SYNE1: variants seen among roughly 807,000 people sequenced by gnomAD.
SYNE1 encodes the protein nesprin-1.
Under a neutral mutation model 1,111.0 loss-of-function variants are expected in SYNE1, and 616 were observed. The ratio of observed to expected loss-of-function variants is 0.55; its 90% CI spans 0.52 to 0.59. The LOEUF (loss-of-function observed/expected upper bound fraction) is 0.59. Among genes scored for constraint, SYNE1 ranks in the 20% least tolerant of loss-of-function variants. The pLI is 0.00. For missense variants in SYNE1, 10,006 were observed against 10,417.0 expected (o/e 0.96, Z 1.72); for synonymous variants, 3,855 against 3,825.8 (o/e 1.01, Z -0.28).
chr6:152,356,561 T>C (rs1416144259), intron 66 of SYNE1, among the ~76,000 whole-genome samples: 1 of 149,214 alleles, frequency 6.7e-6, no homozygotes, highest in Non-Finnish European at 1.5e-5. Context: ...ATATATAAAC[T>C]ATATATATGT....
intron 3 of SYNE1, among the ~76,000 whole-genome samples, chr6:152,605,011 AGAGAG>A (rs1565140239): frequency 4.0e-4 from 17 of 42,968 alleles, no homozygotes; most frequent in African/African-American, 5.1e-4. Context: ...AAAGAAAGAG[AGAGAG>A]AGAGAGAGAG....
chr6:152,183,119 T>TA (rs1048460227), intron 128 of SYNE1, among the ~76,000 whole-genome samples: 2 of 152,162 alleles, frequency 1.3e-5, no homozygotes, highest in Non-Finnish European at 2.9e-5. Context: ...CAGGACCCCT[T>TA]ACCCCTCTAG....
intron 3 of SYNE1, among the ~76,000 whole-genome samples, chr6:152,555,146 C>G (rs2099360604): frequency 1.3e-5 from 2 of 152,052 alleles, no homozygotes; most frequent in Non-Finnish European, 2.9e-5. Context: ...TTAAAATAAA[C>G]TCATATTTTT....
chr6:152,549,643 G>A (rs906508209), intron 3 of SYNE1, among the ~76,000 whole-genome samples: 1 of 152,204 alleles, frequency 6.6e-6, no homozygotes, highest in African/African-American at 2.4e-5. Context: ...GGATTGATGC[G>A]AAGGGACAGA....
At chr6:152,245,588 C>G (rs1190594681) in intron 105 of SYNE1, among the ~76,000 whole-genome samples, 1 of 152,132 alleles carries the variant, frequency 6.6e-6, no homozygotes, top group East Asian at 1.9e-4. Context: ...GACAAGGGAA[C>G]AGAAAAGAAA....
chr6:152,139,188 C>T (rs1490319660), intron 140 of SYNE1, among the ~76,000 whole-genome samples: 1 of 152,116 alleles, frequency 6.6e-6, no homozygotes, highest in African/African-American at 2.4e-5. Context: ...TTTAATTGGA[C>T]ATTTCTTAAA....
intron 3 of SYNE1, among the ~76,000 whole-genome samples, chr6:152,551,394 C>T (rs1326639609): frequency 6.6e-6 from 1 of 152,112 alleles, no homozygotes; most frequent in Non-Finnish European, 1.5e-5. Context: ...TTACCCTAAT[C>T]TAATTTTGAC....
chr6:152,340,959 AG>A (rs2096524205), intron 74 of SYNE1, among the ~76,000 whole-genome samples: 1 of 152,184 alleles, frequency 6.6e-6, no homozygotes, highest in Admixed American at 6.5e-5. Context: ...TAAATAAGGA[AG>A]GCAGTATTGA....
chr6:152,323,886 CCTT>C (rs2095963798), intron 81 of SYNE1, 149 bp from the exon 82 acceptor site: 3 of 868,070 alleles, frequency 3.5e-6, no homozygotes, highest in Admixed American at 2.3e-5. Context: ...ACCTGAGCAA[CCTT>C]CTTAACATGA....
At chr6:152,316,226 C>T (rs1193655507) in intron 87 of SYNE1, 2 of 155,170 alleles carry the variant, frequency 1.3e-5, no homozygotes, top group Non-Finnish European at 2.9e-5. Flanking sequence ...GCTGCCCGAC[C>T]TCCTGTGGAA....
chr6:152,241,797 G>A (rs2085782567), intron 107 of SYNE1, among the ~76,000 whole-genome samples: 1 of 152,142 alleles, frequency 6.6e-6, no homozygotes, highest in African/African-American at 2.4e-5. Flanking sequence ...AGTGAGCGAG[G>A]AGTCCTTGAC....
At chr6:152,615,636 T>C (rs931111504) in intron 3 of SYNE1, among the ~76,000 whole-genome samples, 1 of 152,232 alleles carries the variant, frequency 6.6e-6, no homozygotes, top group African/African-American at 2.4e-5. Flanking sequence ...TTTGTACACA[T>C]GCATTTCCAG....
intron 3 of SYNE1, among the ~76,000 whole-genome samples, chr6:152,619,046 TCACACA>T (rs56677340): frequency 7.4e-6 from 1 of 135,678 alleles, no homozygotes; most frequent in Non-Finnish European, 1.6e-5. Flanking sequence ...GGTGTGAGAA[TCACACA>T]CACACACACA....
rs78311669 is a variant in SYNE1 at position 152,375,198 on chromosome 6, C to A, written c.9324+1183G>T. Among the ~76,000 whole-genome samples, 800 of 152,232 alleles carry A rather than the reference C, an allele frequency of 5.3e-3. 6 individuals carry two copies. Among genetic ancestry groups the A allele is most frequent in the African/African-American group, 0.018 (763 of 41,530 alleles). On this transcript the variant is annotated intron_variant, in intron 58 of 145. Transcript: ENST00000367255. The stretch of plus-strand genomic sequence containing the variant: ...TCTTAAGTGATCCACCCACTGTGGC[C>A]TCCTAAAGTGCTGGGATTATAGGTG...
At chr6:152,189,448 T>G in intron 127 of SYNE1, 41 bp from the exon 128 acceptor site, 1 of 1,602,990 alleles carries the variant, frequency 6.2e-7, no homozygotes, top group Non-Finnish European at 8.5e-7. Context: ...GGACATCTCC[T>G]GCCAATGATT....
chr6:152,398,083 C>G (rs522437), intron 49 of SYNE1, among the ~76,000 whole-genome samples: 59,545 of 151,828 alleles, frequency 0.39, 12,149 homozygotes, highest in East Asian at 0.76. Context: ...ACAAGCTTGG[C>G]CAAAACCTAA....
intron 55 of SYNE1, among the ~76,000 whole-genome samples, chr6:152,384,348 G>A (rs2097485344): frequency 6.6e-6 from 1 of 152,192 alleles, no homozygotes; most frequent in Non-Finnish European, 1.5e-5. Flanking sequence ...TCACTAGACT[G>A]CAAGTTCCTT....
chr6:152,479,981 C>A (rs375686182), intron 14 of SYNE1, among the ~76,000 whole-genome samples: 9 of 152,016 alleles, frequency 5.9e-5, no homozygotes, highest in African/African-American at 1.2e-4. Context: ...ATGAAAAAAA[C>A]CAAGCATTGT....
rs574877258 is a variant in SYNE1, at chr6:152,567,900, C to A, written c.68-27879G>T. On this transcript the variant is annotated intron_variant, in intron 3 of 145. Transcript: ENST00000367255. ...AAGCAATGTGGTAACAGAGAAAGAACACACCATAGAATGCAATGAAATACA... is the reference window on the plus strand; with the variant it reads ...AAGCAATGTGGTAACAGAGAAAGAAAACACCATAGAATGCAATGAAATACA... Among the ~76,000 whole-genome samples the A allele has an allele frequency of 2.0e-5, 3 of 152,076 alleles. No individual in the cohort carries two copies. The South Asian group carries it at 6.2e-4, about 31-fold the overall frequency.
Sources: allele counts gnomAD v4.1 joint callset (sites outside exome capture counted in the v4.1 genomes callset), GRCh38; gene constraint gnomAD v4.1.1; transcripts MANE v1.5; gene names NCBI Gene and HGNC (gene_info 2026-07-23, HGNC 2026-07-21).